The following OLA1 variants were observed in gnomAD, a reference collection of about 807,000 sequenced individuals.
OLA1 encodes Obg like ATPase 1.
A neutral mutation model predicts 48.4 loss-of-function variants in OLA1; 14 were observed. The observed-to-expected ratio is 0.29, with a 90% CI of 0.19 to 0.45. The LOEUF (loss-of-function observed/expected upper bound fraction) is 0.45, where lower values mean the gene tolerates loss of function less well. Among genes scored for constraint, OLA1 ranks in the 20% least tolerant of loss-of-function variants. The pLI is 1.00. For missense variants in OLA1, 325 were observed against 467.1 expected (o/e 0.70, Z 2.80); for synonymous variants, 127 against 150.4 (o/e 0.84, Z 1.14).
At chr2:174,138,595 T>G (rs531548934) in intron 5 of OLA1, among the ~76,000 whole-genome samples, 1 of 152,052 alleles carries the variant, frequency 6.6e-6, no homozygotes, top group Non-Finnish European at 1.5e-5. Flanking sequence ...GCATTGAGTT[T>G]CTCAACACAG....
At chr2:174,189,084 G>C (rs745721557) in intron 4 of OLA1, among the ~76,000 whole-genome samples, 34 of 152,074 alleles carry the variant, frequency 2.2e-4, no homozygotes, top group Non-Finnish European at 4.6e-4. Context: ...GATAAAAGCA[G>C]CTCAAATCCA....
intron 7 of OLA1, among the ~76,000 whole-genome samples, chr2:174,095,325 GTTTTTTT>G (rs1205716344): frequency 0.04 from 3,147 of 78,080 alleles, 56 homozygotes; most frequent in Non-Finnish European, 0.055. Flanking sequence ...GTTATTTCCT[GTTTTTTT>G]TTTTTTTTTT....
intron 4 of OLA1, among the ~76,000 whole-genome samples, chr2:174,163,917 T>C (rs1687093980): frequency 6.6e-6 from 1 of 151,604 alleles, no homozygotes; most frequent in Admixed American, 6.6e-5. Flanking sequence ...TGGTACAATT[T>C]GGCTGTGTCC....
intron 5 of OLA1, among the ~76,000 whole-genome samples, chr2:174,135,852 A>G (rs1002063847): frequency 3.3e-5 from 5 of 152,238 alleles, no homozygotes; most frequent in African/African-American, 1.2e-4. Flanking sequence ...GTTCCAATAA[A>G]GTGAGTATCG....
chr2:174,151,402 A>G (rs1432006721), intron 4 of OLA1, among the ~76,000 whole-genome samples: 3 of 152,330 alleles, frequency 2.0e-5, no homozygotes, highest in Non-Finnish European at 4.4e-5. Context: ...TCACAGCACC[A>G]AAACAAACTA....
Position 174,166,122 on chromosome 2 carries a change from TAAA to T in OLA1, c.374-24125_374-24123del, listed in dbSNP as rs56760276. Among the ~76,000 whole-genome samples, 447 of 143,498 alleles carry T rather than the reference TAAA, an allele frequency of 3.1e-3. 7 individuals carry two copies. Among genetic ancestry groups the T allele is most frequent in the African/African-American group, 9.8e-3 (383 of 38,992 alleles). 94.1% of individuals were successfully genotyped at this position (143,498 alleles called of 152,430 possible). ...CCTGGGCAACAGAGTGAGACTCCAT[TAAA>T]AAAAAAAAAAAAACCTCAAATGTCA... On this transcript the variant is annotated intron_variant, in intron 4 of 10. Coordinates refer to ENST00000284719, the MANE Select transcript of OLA1 (RefSeq NM_013341.5).
At chr2:174,143,132 T>C in intron 4 of OLA1, among the ~76,000 whole-genome samples, 1 of 152,230 alleles carries the variant, frequency 6.6e-6, no homozygotes. Context: ...AATTAAGTTG[T>C]ATCTAAATGT....
intron 5 of OLA1, among the ~76,000 whole-genome samples, chr2:174,125,338 T>C (rs1199591139): frequency 6.6e-6 from 1 of 152,250 alleles, no homozygotes; most frequent in East Asian, 1.9e-4. Context: ...GGGATTAATC[T>C]AGGGGGAGAG....
intron 4 of OLA1, among the ~76,000 whole-genome samples, chr2:174,143,845 T>A (rs919751913): frequency 2.1e-5 from 3 of 145,032 alleles, no homozygotes; most frequent in Admixed American, 2.0e-4. Flanking sequence ...GGCTCACACC[T>A]GTAATCCCAG....
At chr2:174,240,937 G>C (rs1362422812) in intron 2 of OLA1, among the ~76,000 whole-genome samples, 1 of 152,004 alleles carries the variant, frequency 6.6e-6, no homozygotes, top group Non-Finnish European at 1.5e-5. Flanking sequence ...CACATTTTTT[G>C]TCACTCCTCC....
Position 174,196,641 on chromosome 2 carries a change from G to GTACC in OLA1, c.373+26388_373+26391dup, listed in dbSNP as rs1488439263. Reference sequence around the variant, plus strand: ...TACAAAAGAATTTCTTGCAAAGCAAGTACCACAAGTAATTTCTATGCTGCC... The same window carrying GTACC: ...TACAAAAGAATTTCTTGCAAAGCAAGTACCTACCACAAGTAATTTCTATGCTGCC... On this transcript the variant is annotated intron_variant, in intron 4 of 10. Transcript: ENST00000284719. Among the ~76,000 whole-genome samples the GTACC allele has an allele frequency of 3.3e-5, 5 of 152,304 alleles. No individual in the cohort carries two copies. In the East Asian group the frequency reaches 9.6e-4, roughly 29 times the overall value.
At chr2:174,097,938 G>A (rs1685295695) in intron 7 of OLA1, among the ~76,000 whole-genome samples, 1 of 152,116 alleles carries the variant, frequency 6.6e-6, no homozygotes, top group African/African-American at 2.4e-5. Flanking sequence ...TATTTACCAT[G>A]TGGGGTATAT....
rs574249281 is a variant in OLA1 at position 174,129,889 on chromosome 2, G to A, written c.550-6214C>T. Among the ~76,000 whole-genome samples the A allele has an allele frequency of 3.9e-5, 6 of 152,166 alleles. No homozygotes were observed. In the South Asian group the frequency reaches 1.2e-3, roughly 32 times the overall value. On this transcript the variant is annotated intron_variant, in intron 5 of 10. Transcript: ENST00000284719. ...ATTCTGTAATAATTATAACTTCCAA[G>A]TTATACTTACCTTCAGGAAAACCTG...
At chr2:174,196,786 G>A (rs10189119) in intron 4 of OLA1, among the ~76,000 whole-genome samples, 1,942 of 152,222 alleles carry the variant, frequency 0.013, 49 homozygotes, top group African/African-American at 0.045. Flanking sequence ...CACAATCAAC[G>A]TTTTTATAAT....
intron 4 of OLA1, among the ~76,000 whole-genome samples, chr2:174,192,286 A>G (rs1443042906): frequency 6.6e-6 from 1 of 152,200 alleles, no homozygotes; most frequent in Admixed American, 6.5e-5. Flanking sequence ...GAATATGTGC[A>G]TTATACTTAT....
rs775866578 is a variant in OLA1, at chr2:174,142,007, T to C, written c.374-7A>G. Reference sequence around the variant, plus strand: ...TCATCATCTTCAAAAGCACCTAAAATGAATTAAAGGGAAGCAATTCAATAA... The same window carrying C: ...TCATCATCTTCAAAAGCACCTAAAACGAATTAAAGGGAAGCAATTCAATAA... On this transcript the variant is annotated splice_polypyrimidine_tract_variant and splice_region_variant and intron_variant, in intron 4 of 10. Transcript: ENST00000284719. 6.2e-7 allele frequency: 1 copy of C among 1,612,314 alleles called. No homozygotes were observed. The highest frequency in any genetic ancestry group is 1.1e-5 in the South Asian group (1 of 90,794).
chr2:174,207,485 C>T (rs1265757910), intron 4 of OLA1, among the ~76,000 whole-genome samples: 1 of 152,132 alleles, frequency 6.6e-6, no homozygotes, highest in Non-Finnish European at 1.5e-5. Context: ...ACAAAAATCA[C>T]CTACATCGAT....
At chr2:174,095,097 T>C (rs1025192031) in intron 7 of OLA1, among the ~76,000 whole-genome samples, 1 of 152,188 alleles carries the variant, frequency 6.6e-6, no homozygotes, top group African/African-American at 2.4e-5. Flanking sequence ...TTGTAAATAA[T>C]GCTGTAATGA....
chr2:174,199,448 G>A (rs1687945234), intron 4 of OLA1, among the ~76,000 whole-genome samples: 1 of 152,234 alleles, frequency 6.6e-6, no homozygotes, highest in East Asian at 1.9e-4. Context: ...GCAAGATAGT[G>A]GGGGGTTGGG....
Sources: gnomAD v4.1 joint callset for allele counts (sites outside exome capture counted in the v4.1 genomes callset) on GRCh38, gnomAD v4.1.1 for gene constraint, MANE v1.5 for transcripts, NCBI Gene and HGNC (gene_info 2026-07-23, HGNC 2026-07-21) for gene names.